Variants in EPHB1 observed in about 807,000 individuals in gnomAD.
EPHB1 encodes ephrin type-B receptor 1.
A neutral mutation model predicts 94.4 loss-of-function variants in EPHB1; 30 were observed. That is an observed-to-expected ratio of 0.32 (90% CI 0.24 to 0.43). The LOEUF (loss-of-function observed/expected upper bound fraction) is 0.43. Ranked by LOEUF, EPHB1 falls within the 20% of genes least tolerant of loss-of-function variation. The probability of loss-of-function intolerance (pLI) is 1.00; values close to 1 mark genes in which losing one functional copy is unlikely to be tolerated. For missense variants in EPHB1, 1,055 were observed against 1,308.3 expected (o/e 0.81, Z 2.99); for synonymous variants, 522 against 489.1 (o/e 1.07, Z -0.89).
At chr3:135,204,881 CTTTTTTTTTTT>C (rs71624063) in intron 12 of EPHB1, among the ~76,000 whole-genome samples, 2 of 73,916 alleles carry the variant, frequency 2.7e-5, no homozygotes, top group Non-Finnish European at 4.7e-5. Flanking sequence ...AGGTTTTATT[CTTTTTTTTTTT>C]TTTTTTTTTT....
intron 3 of EPHB1, among the ~76,000 whole-genome samples, chr3:135,031,065 T>C (rs253873): frequency 0.35 from 52,665 of 152,062 alleles, 9,744 homozygotes; most frequent in East Asian, 0.71. Context: ...TCAGGCAATG[T>C]CTCGCCCTGC....
chr3:135,096,961 T>C (rs1938804797), intron 3 of EPHB1, among the ~76,000 whole-genome samples: 1 of 151,930 alleles, frequency 6.6e-6, no homozygotes, highest in East Asian at 1.9e-4. Context: ...CCAGGTGTGG[T>C]GACACATGCC....
intron 3 of EPHB1, among the ~76,000 whole-genome samples, chr3:135,039,469 G>A (rs1936759681): frequency 6.6e-6 from 1 of 152,218 alleles, no homozygotes; most frequent in Non-Finnish European, 1.5e-5. Flanking sequence ...GGGCGCCGTG[G>A]AGTAGGGGGT....
At chr3:135,200,098 G>C (rs1942716700) in intron 11 of EPHB1, among the ~76,000 whole-genome samples, 1 of 152,190 alleles carries the variant, frequency 6.6e-6, no homozygotes, top group Admixed American at 6.5e-5. Flanking sequence ...CTAATGACTA[G>C]GCTGTGCTCT....
intron 3 of EPHB1, among the ~76,000 whole-genome samples, chr3:135,079,364 T>C (rs1476171477): frequency 6.6e-6 from 1 of 152,188 alleles, no homozygotes; most frequent in Non-Finnish European, 1.5e-5. Flanking sequence ...ACAAAATATA[T>C]GCCCGTTTAT....
chr3:135,249,279 G>A, intron 14 of EPHB1, 57 bp from the exon 15 acceptor site: 1 of 1,547,902 alleles, frequency 6.5e-7, no homozygotes. Flanking sequence ...GCCAGACTGG[G>A]GCACTGTCCA....
chr3:134,892,799 C>T (rs62270281), intron 1 of EPHB1, among the ~76,000 whole-genome samples: 8,932 of 152,076 alleles, frequency 0.059, 405 homozygotes, highest in South Asian at 0.2. Context: ...CTCTGCCCTC[C>T]CCTCCCTCCC....
rs568067718 is a variant in EPHB1, at chr3:134,851,448, C to T, written c.58+55759C>T. On this transcript the variant is annotated intron_variant, in intron 1 of 15. Transcript: ENST00000398015. ...CATTTGCTCCCCTGGGTTTTCCTCC[C>T]TTCCTCCATCCCTCCTTCCCCTGCA... 3.3e-5 allele frequency among the ~76,000 whole-genome samples: 5 copies of T among 152,204 alleles called. No homozygotes were observed. The South Asian group carries it at 1.0e-3, about 32-fold the overall frequency.
chr3:134,811,031 C>G (rs891603094), intron 1 of EPHB1, among the ~76,000 whole-genome samples: 4 of 152,056 alleles, frequency 2.6e-5, no homozygotes, highest in Non-Finnish European at 4.4e-5. Context: ...GGCCCCTCCC[C>G]CTTTCCCACA....
At chr3:135,175,603 A>G (rs1436896345) in intron 9 of EPHB1, among the ~76,000 whole-genome samples, 2 of 152,222 alleles carry the variant, frequency 1.3e-5, no homozygotes, top group Non-Finnish European at 2.9e-5. Context: ...TTAAATCCAT[A>G]CATAACATTT....
chr3:135,033,957 T>C (rs1936567118), intron 3 of EPHB1, among the ~76,000 whole-genome samples: 1 of 152,154 alleles, frequency 6.6e-6, no homozygotes, highest in Non-Finnish European at 1.5e-5. Flanking sequence ...AGAGGAGCTA[T>C]TGTGCTGCAC....
intron 10 of EPHB1, among the ~76,000 whole-genome samples, chr3:135,188,676 A>G (rs1037324648): frequency 6.6e-6 from 1 of 152,206 alleles, no homozygotes; most frequent in Non-Finnish European, 1.5e-5. Context: ...GGGCCCGCCA[A>G]CATCCAATGT....
At chr3:135,079,364 T>A (rs1476171477) in intron 3 of EPHB1, among the ~76,000 whole-genome samples, 1 of 152,188 alleles carries the variant, frequency 6.6e-6, no homozygotes, top group Non-Finnish European at 1.5e-5. Context: ...ACAAAATATA[T>A]GCCCGTTTAT....
At chr3:135,136,440 T>C (rs1940621381) in intron 5 of EPHB1, among the ~76,000 whole-genome samples, 1 of 152,212 alleles carries the variant, frequency 6.6e-6, no homozygotes, top group Non-Finnish European at 1.5e-5. Flanking sequence ...ACTGACATCT[T>C]TGAGCACCTC....
Position 135,259,128 on chromosome 3 carries a change from T to C in EPHB1, c.*8T>C. On this transcript the variant is annotated 3_prime_UTR_variant, in exon 16 of 16. Transcript: ENST00000398015. ...CCAACGGCAATGGCATGAGAACTCT[T>C]GTTTCTTGGGGAAGGAGAGGAGGGA... 2.5e-6 allele frequency: 4 copies of C among 1,598,424 alleles called. No individual in the cohort carries two copies. The East Asian group carries it at 9.0e-5, about 36-fold the overall frequency.
intron 15 of EPHB1, among the ~76,000 whole-genome samples, chr3:135,256,276 T>G (rs947236575): frequency 5.3e-5 from 8 of 152,214 alleles, no homozygotes; most frequent in Admixed American, 3.9e-4. Flanking sequence ...GTTAGCTGGT[T>G]ATTTTGCTTG....
chr3:134,861,409 G>A (rs888620938), intron 1 of EPHB1, among the ~76,000 whole-genome samples: 3 of 152,154 alleles, frequency 2.0e-5, no homozygotes, highest in Non-Finnish European at 2.9e-5. Flanking sequence ...ACATTTTGGG[G>A]GATGAGGAGG....
At chr3:134,797,447 C>A (rs902496865) in intron 1 of EPHB1, among the ~76,000 whole-genome samples, 1 of 152,226 alleles carries the variant, frequency 6.6e-6, no homozygotes, top group East Asian at 1.9e-4. Context: ...TCATGCAGGT[C>A]CGAGGCTCGG....
chr3:134,943,344 T>C (rs749164555), intron 2 of EPHB1, among the ~76,000 whole-genome samples: 2 of 152,192 alleles, frequency 1.3e-5, no homozygotes, highest in Non-Finnish European at 2.9e-5. Context: ...TGAGAGGATA[T>C]GGCCCTGCTT....
Sources: allele counts gnomAD v4.1 joint callset (sites outside exome capture counted in the v4.1 genomes callset), GRCh38; gene constraint gnomAD v4.1.1; transcripts MANE v1.5; gene names NCBI Gene and HGNC (gene_info 2026-07-23, HGNC 2026-07-21).